ANKDD1A: variants seen among roughly 807,000 people sequenced by gnomAD.
ANKDD1A encodes the protein ankyrin repeat and death domain-containing protein 1A.
In ANKDD1A, 59 loss-of-function variants were observed where a neutral mutation model predicts 63.5. The observed-to-expected ratio is 0.93, with a 90% CI of 0.75 to 1.15. The LOEUF (loss-of-function observed/expected upper bound fraction) is 1.15, where lower values mean the gene tolerates loss of function less well. ANKDD1A is among the 50% of genes most tolerant of loss of function. ANKDD1A has a pLI of 0.00. For synonymous variants in ANKDD1A, 266 were observed against 263.9 expected, an observed-to-expected ratio of 1.01 and a Z score of -0.08; for missense variants, 632 against 656.4, an observed-to-expected ratio of 0.96 and a Z score of 0.41.
At chr15:64,939,605 C>T (rs188201724) in intron 9 of ANKDD1A, among the ~76,000 whole-genome samples, 1 of 152,276 alleles carries the variant, frequency 6.6e-6, no homozygotes, top group Non-Finnish European at 1.5e-5. Flanking sequence ...CAGATCAAGA[C>T]CTTGGCTCTA....
rs748925064 is a variant in ANKDD1A at position 64,926,082 on chromosome 15, T to C, written c.383T>C (p.Leu128Pro). Reference protein sequence around the residue: ...HCESKDGLTLLHCAAQKGHVP... With the variant: ...HCESKDGLTLPHCAAQKGHVP... ...TGTTTCCAGGATGGCCTGACCTTAC[T>C]GCACTGCGCAGCCCAAAAAGGCCAT... The change falls in exon 5 of 15, where the codon CTG (leucine) becomes CCG (proline). Residue 128 changes from leucine to proline, a missense_variant. Coordinates refer to ENST00000319580, the MANE Select transcript of ANKDD1A (RefSeq NM_182703.6). The C allele has an allele frequency of 6.2e-7, 1 of 1,613,726 alleles. No homozygotes were observed. Among genetic ancestry groups the C allele is most frequent in the South Asian group, 1.1e-5 (1 of 90,980 alleles).
At chr15:64,926,359 A>G (rs1201198094) in intron 5 of ANKDD1A, among the ~76,000 whole-genome samples, 189 bp downstream of exon 5, 5 of 152,176 alleles carry the variant, frequency 3.3e-5, no homozygotes, top group African/African-American at 9.7e-5. Context: ...AGCAGAACAC[A>G]GTCAGTTGCC....
At chr15:64,954,850 CT>C in intron 14 of ANKDD1A, among the ~76,000 whole-genome samples, 1 of 45,066 alleles carries the variant, frequency 2.2e-5, no homozygotes, top group South Asian at 1.2e-3. Context: ...CTTCTTCCTT[CT>C]TCTTCTTTCT....
At chr15:64,939,690 T>C (rs1432791730) in intron 9 of ANKDD1A, among the ~76,000 whole-genome samples, 2 of 152,184 alleles carry the variant, frequency 1.3e-5, no homozygotes, top group Non-Finnish European at 2.9e-5. Context: ...GGGAAGACCA[T>C]GAAAATACGC....
chr15:64,942,111 G>A (rs1287036011), intron 9 of ANKDD1A, among the ~76,000 whole-genome samples: 2 of 152,198 alleles, frequency 1.3e-5, no homozygotes, highest in Non-Finnish European at 2.9e-5. Flanking sequence ...GATTAAATGA[G>A]ATGTCAGAGA....
chr15:64,954,610 CTCCT>C (rs1184678576), intron 14 of ANKDD1A, among the ~76,000 whole-genome samples: 1 of 136,038 alleles, frequency 7.4e-6, no homozygotes, highest in South Asian at 2.4e-4. Context: ...CTTCTTCCTC[CTCCT>C]TCCTCTTTTC....
rs547952559 is a variant in ANKDD1A, at chr15:64,942,135, G to A, written c.868-332G>A. On this transcript the variant is annotated intron_variant, in intron 9 of 14. Coordinates refer to ENST00000319580, the MANE Select transcript of ANKDD1A (RefSeq NM_182703.6). ...AGATGTCAGAGAATCTTAAGGTATT[G>A]TTGCTAGGAGGGACCATGGCAAACA... is the stretch of plus-strand genomic sequence containing the variant. Among the ~76,000 whole-genome samples, 12 of 152,240 alleles carry A rather than the reference G, an allele frequency of 7.9e-5. 1 individual carries two copies. Among genetic ancestry groups the A allele is most frequent in the Admixed American group, 7.8e-4 (12 of 15,296 alleles).
chr15:64,934,105 T>G, intron 8 of ANKDD1A, 31 bp from the exon 9 acceptor site: 279 of 1,572,886 alleles, frequency 1.8e-4, no homozygotes, highest in Non-Finnish European at 2.2e-4. Context: ...GGGGTCCTTG[T>G]GATAACGCAT....
intron 9 of ANKDD1A, among the ~76,000 whole-genome samples, chr15:64,941,462 G>A (rs748372638): frequency 3.3e-5 from 5 of 152,138 alleles, no homozygotes; most frequent in South Asian, 2.1e-4. Context: ...GGCATCACAC[G>A]GTAAGACAGA....
chr15:64,953,030 TTCTTCC>T (rs1464707527), intron 14 of ANKDD1A, among the ~76,000 whole-genome samples: 254 of 93,452 alleles, frequency 2.7e-3, no homozygotes, highest in African/African-American at 8.7e-3. Context: ...CTTCTCCTCC[TTCTTCC>T]TTTCTTCTTT....
intron 8 of ANKDD1A, chr15:64,932,614 T>G (rs1688196132): frequency 6.6e-6 from 1 of 152,174 alleles, no homozygotes; most frequent in South Asian, 2.1e-4. Flanking sequence ...GTTGAATGGC[T>G]TCAGGTTCTG....
rs1567113171 is a variant in ANKDD1A at position 64,934,193 on chromosome 15, G to T, written c.826G>T (p.Val276Phe). Reference sequence around the variant, plus strand: ...CAGTGGCTCGGAGGATGTGTCTCGGGTCCTCATCCACGCAGGAGGCTGCGC... The same window carrying T: ...CAGTGGCTCGGAGGATGTGTCTCGGTTCCTCATCCACGCAGGAGGCTGCGC... ...ALSGSEDVSR[V>F]LIHAGGCANV... is the part of the protein sequence containing the mutation. The change falls in exon 9 of 15, where the codon GTC becomes TTC. Residue 276 changes from valine (V) to phenylalanine (F), a missense_variant. Val to Phe is a conservative substitution (Grantham distance 50). Transcript: ENST00000319580. 6.2e-7 allele frequency: 1 copy of T among 1,612,494 alleles called. No homozygotes were observed. Among genetic ancestry groups the T allele is most frequent in the East Asian group, 2.2e-5 (1 of 44,840 alleles).
In ANKDD1A at chr15:64,958,363, A is replaced by C. The variant is rs2085439063; in HGVS notation, c.*1175A>C. On this transcript the variant is annotated 3_prime_UTR_variant, in exon 15 of 15. Transcript: ENST00000319580. ...CAATATTGGTTCATCAGTTGTATCA[A>C]ATGTACCACACTGATGCCAGATGTT... 6.6e-6 allele frequency: 1 copy of C among 152,256 alleles called. No homozygotes were observed. The highest frequency in any genetic ancestry group is 2.4e-5 in the African/African-American group (1 of 41,464). The allele number at this position is 152,256 out of a possible 1,614,324, so 9.4% of individuals were successfully genotyped here.
intron 14 of ANKDD1A, chr15:64,951,564 C>CTTCTTTTTTTT (rs1555366917): frequency 1.6e-5 from 2 of 122,692 alleles, no homozygotes; most frequent in Non-Finnish European, 1.7e-5. Context: ...CTTTCTTTTT[C>CTTCTTTTTTTT]TTTTCTTTCT....
chr15:64,921,450 C>G (rs2085006023), intron 3 of ANKDD1A, among the ~76,000 whole-genome samples: 1 of 152,206 alleles, frequency 6.6e-6, no homozygotes, highest in Non-Finnish European at 1.5e-5. Context: ...TTTCACCTCA[C>G]TGCAACCTCC....
At chr15:64,924,430 G>A (rs1050833187) in intron 4 of ANKDD1A, among the ~76,000 whole-genome samples, 1 of 152,216 alleles carries the variant, frequency 6.6e-6, no homozygotes, top group Non-Finnish European at 1.5e-5. Context: ...CCAAGGGCAG[G>A]AGGAATAGAT....
At chr15:64,922,254 CAG>C (rs1417537337) in intron 4 of ANKDD1A, 1 of 523,996 alleles carries the variant, frequency 1.9e-6, no homozygotes, top group Non-Finnish European at 3.4e-6. Flanking sequence ...GTAACTCCCT[CAG>C]AGGGTAGTTA....
At chr15:64,955,522 G>A (rs1438206723) in intron 14 of ANKDD1A, among the ~76,000 whole-genome samples, 2 of 152,216 alleles carry the variant, frequency 1.3e-5, no homozygotes, top group African/African-American at 4.8e-5. Flanking sequence ...GTACCAGCAG[G>A]GGGATGTGTT....
At position 64,947,493 on chromosome 15, in the gene ANKDD1A, G is replaced by C. The variant is rs752081425; in HGVS notation, c.1251G>C (p.Arg417=). The C allele has an allele frequency of 9.3e-6, 15 of 1,613,862 alleles. No individual in the cohort carries two copies. The highest frequency in any genetic ancestry group is 1.3e-5 in the Non-Finnish European group (15 of 1,179,930). ...ETQQLRSVLW[R]LASRYLQPRE... ...AGCAGCTCCGTTCTGTGCTGTGGCGGCTGGCCTCCAGGTATCTGCAGCCCC... is the reference window on the plus strand; with the variant it reads ...AGCAGCTCCGTTCTGTGCTGTGGCGCCTGGCCTCCAGGTATCTGCAGCCCC... Residue 417 remains arginine, a synonymous_variant, in exon 13 of 15, where the codon CGG becomes CGC. Transcript: ENST00000319580.
Sources: gnomAD v4.1 joint callset for allele counts (sites outside exome capture counted in the v4.1 genomes callset) on GRCh38, gnomAD v4.1.1 for gene constraint, MANE v1.5 for transcripts, NCBI Gene and HGNC (gene_info 2026-07-23, HGNC 2026-07-21) for gene names.